GYPE: variants seen among roughly 807,000 people sequenced by gnomAD.
GYPE encodes the protein glycophorin-E.
Under a neutral mutation model 11.6 loss-of-function variants are expected in GYPE, and 8 were observed. The observed-to-expected ratio is 0.69, with a 90% CI of 0.41 to 1.25. GYPE has a LOEUF of 1.25. Ranked by LOEUF, GYPE falls within the 50% of genes most tolerant of loss-of-function variation. The probability of loss-of-function intolerance (pLI) is 0.01; values close to 1 mark genes in which losing one functional copy is unlikely to be tolerated. For missense variants in GYPE, 90 were observed against 92.8 expected, an observed-to-expected ratio of 0.97 and a Z score of 0.12; for synonymous variants, 28 against 29.6, an observed-to-expected ratio of 0.94 and a Z score of 0.18.
intron 1 of GYPE, among the ~76,000 whole-genome samples, chr4:143,888,080 G>T (rs1445439632): frequency 5.9e-5 from 4 of 68,042 alleles, no homozygotes; most frequent in African/African-American, 1.8e-4. Flanking sequence ...TTCTGCCACA[G>T]TTCCCATTGT....
intron 2 of GYPE, among the ~76,000 whole-genome samples, chr4:143,877,716 G>A (rs1271401686): frequency 1.3e-5 from 2 of 151,660 alleles, no homozygotes; most frequent in Admixed American, 6.6e-5. Flanking sequence ...TTGAATGTAT[G>A]CGATAGTGAT....
chr4:143,889,283 C>A (rs1352672248), intron 1 of GYPE, among the ~76,000 whole-genome samples: 1 of 152,028 alleles, frequency 6.6e-6, no homozygotes, highest in East Asian at 1.9e-4. Context: ...GCTGAGACAG[C>A]AGAGGTGGAG....
chr4:143,902,268 G>C (rs1744896019), intron 1 of GYPE, among the ~76,000 whole-genome samples: 1 of 150,146 alleles, frequency 6.7e-6, no homozygotes. Flanking sequence ...GTATTCCCTG[G>C]CATACAGTTC....
chr4:143,878,347 G>C (rs1399020439), intron 2 of GYPE, among the ~76,000 whole-genome samples: 1 of 152,068 alleles, frequency 6.6e-6, no homozygotes, highest in Non-Finnish European at 1.5e-5. Context: ...TATTGCCCAG[G>C]CTGTTCTCAT....
chr4:143,898,351 T>C (rs1744740813), intron 1 of GYPE, among the ~76,000 whole-genome samples: 1 of 152,178 alleles, frequency 6.6e-6, no homozygotes, highest in Admixed American at 6.5e-5. Context: ...CACTCCAGCC[T>C]GGGCGACAGA....
At chr4:143,883,840 A>G (rs1744149923) in intron 1 of GYPE, among the ~76,000 whole-genome samples, 1 of 152,042 alleles carries the variant, frequency 6.6e-6, no homozygotes, top group South Asian at 2.1e-4. Flanking sequence ...AAAAAACAAA[A>G]AGTAAAAAAT....
chr4:143,880,085 C>A (rs1218266027), intron 2 of GYPE, among the ~76,000 whole-genome samples: 4 of 152,238 alleles, frequency 2.6e-5, no homozygotes, highest in African/African-American at 7.2e-5. Flanking sequence ...CGGGTCTGAG[C>A]TGAACTCATT....
At chr4:143,877,305 A>G (rs1743853473) in intron 2 of GYPE, among the ~76,000 whole-genome samples, 1 of 152,200 alleles carries the variant, frequency 6.6e-6, no homozygotes, top group East Asian at 1.9e-4. Flanking sequence ...AACTGGTATA[A>G]ACAGTTTACA....
chr4:143,872,012 A>G lies in GYPE; in HGVS notation c.*250T>C, dbSNP rs1178043253. On this transcript the variant is annotated 3_prime_UTR_variant, in exon 4 of 4. Coordinates refer to ENST00000358615, the MANE Select transcript of GYPE (RefSeq NM_198682.3). ...GGCATGGGATAAGGATTTCGTGATGAGAATCGGGCAGAACTGGAGTTTAAT... is the reference window on the plus strand; with the variant it reads ...GGCATGGGATAAGGATTTCGTGATGGGAATCGGGCAGAACTGGAGTTTAAT... 1.3e-5 allele frequency: 2 copies of G among 152,212 alleles called. No individual in the cohort carries two copies. Among genetic ancestry groups the G allele is most frequent in the East Asian group, 3.9e-4 (2 of 5,174 alleles). The allele number at this position is 152,212 out of a possible 1,614,324, so 9.4% of individuals were successfully genotyped here. A position where few individuals can be genotyped will look rare whatever the true frequency, so the allele number is the denominator to read the frequency against.
At position 143,902,798 on chromosome 4, in the gene GYPE, T is replaced by C. The variant is rs151294104; in HGVS notation, c.37+2673A>G. Among the ~76,000 whole-genome samples, 806 of 152,304 alleles carry C rather than the reference T, an allele frequency of 5.3e-3. 9 individuals are homozygous for C. Among genetic ancestry groups the C allele is most frequent in the African/African-American group, 0.018 (760 of 41,560 alleles). ...CCTTTGTTTCCTCCAATTAAATTAG[T>C]ATATTATGACCTAGAATGCAAATTT... On this transcript the variant is annotated intron_variant, in intron 1 of 3. Transcript: ENST00000358615.
At chr4:143,900,644 A>T (rs189246721) in intron 1 of GYPE, among the ~76,000 whole-genome samples, 7 of 151,820 alleles carry the variant, frequency 4.6e-5, no homozygotes, top group Admixed American at 3.3e-4. Context: ...ATGGAATAAC[A>T]TTTATTATAA....
intron 1 of GYPE, among the ~76,000 whole-genome samples, chr4:143,901,633 A>T (rs58204107): frequency 6.6e-3 from 274 of 41,584 alleles, no homozygotes; most frequent in African/African-American, 0.012. Flanking sequence ...CCATATAAGA[A>T]GGATTGGGTT....
At chr4:143,877,506 T>C (rs1281104867) in intron 2 of GYPE, among the ~76,000 whole-genome samples, 3 of 152,196 alleles carry the variant, frequency 2.0e-5, no homozygotes, top group African/African-American at 7.2e-5. Flanking sequence ...ATGAAACAAC[T>C]TAAATCAAGT....
At chr4:143,874,506 C>T (rs1421608169) in intron 3 of GYPE, among the ~76,000 whole-genome samples, 4 of 152,130 alleles carry the variant, frequency 2.6e-5, no homozygotes, top group Non-Finnish European at 4.4e-5. Context: ...AATGCAGATG[C>T]TGAACATAGC....
At chr4:143,904,975 T>C (rs1745006263) in intron 1 of GYPE, among the ~76,000 whole-genome samples, 1 of 152,138 alleles carries the variant, frequency 6.6e-6, no homozygotes, top group Admixed American at 6.5e-5. Context: ...TTTCTTCCTA[T>C]GTGACACTTT....
chr4:143,903,190 T>G (rs1744930469), intron 1 of GYPE, among the ~76,000 whole-genome samples: 1 of 152,018 alleles, frequency 6.6e-6, no homozygotes. Context: ...ATGCTTTGTA[T>G]TATTTTTGAC....
At chr4:143,889,178 C>G (rs1744310056) in intron 1 of GYPE, among the ~76,000 whole-genome samples, 1 of 151,598 alleles carries the variant, frequency 6.6e-6, no homozygotes, top group African/African-American at 2.4e-5. Flanking sequence ...GTGTTGTGGC[C>G]TAGGAGGACT....
chr4:143,895,374 A>G (rs1354655183), intron 1 of GYPE, among the ~76,000 whole-genome samples: 1 of 152,142 alleles, frequency 6.6e-6, no homozygotes, highest in African/African-American at 2.4e-5. Flanking sequence ...AGACAAACAG[A>G]GAGCCAAATC....
intron 2 of GYPE, among the ~76,000 whole-genome samples, chr4:143,878,928 G>T (rs1415904024): frequency 1.3e-5 from 2 of 152,156 alleles, no homozygotes; most frequent in African/African-American, 2.4e-5. Context: ...TCTTATAACT[G>T]AGGGGAAAGG....
Sources: allele counts gnomAD v4.1 joint callset (sites outside exome capture counted in the v4.1 genomes callset), GRCh38; gene constraint gnomAD v4.1.1; transcripts MANE v1.5; gene names NCBI Gene and HGNC (gene_info 2026-07-23, HGNC 2026-07-21).